The following ASB15 variants were observed in gnomAD, a reference collection of about 807,000 sequenced individuals.
The protein encoded by ASB15 is ankyrin repeat and SOCS box containing 15.
Under a neutral mutation model 58.0 loss-of-function variants are expected in ASB15, and 54 were observed. The ratio of observed to expected loss-of-function variants is 0.93; its 90% CI spans 0.75 to 1.17. The LOEUF (loss-of-function observed/expected upper bound fraction) is 1.17. Among genes scored for constraint, ASB15 ranks in the 50% most tolerant of loss-of-function variants. ASB15 has a pLI of 0.00. For synonymous variants in ASB15, 249 were observed against 262.4 expected, an observed-to-expected ratio of 0.95 and a Z score of 0.50; for missense variants, 680 against 707.4, an observed-to-expected ratio of 0.96 and a Z score of 0.44.
intron 7 of ASB15, among the ~76,000 whole-genome samples, chr7:123,622,221 T>G (rs1408989000): frequency 6.6e-6 from 1 of 152,118 alleles, no homozygotes; most frequent in African/African-American, 2.4e-5. Context: ...TTTGAACATT[T>G]CTGAAAAAAT....
chr7:123,596,424 G>A (rs933408965), intron 1 of ASB15: 1 of 151,894 alleles, frequency 6.6e-6, no homozygotes. Flanking sequence ...TGGACAACAA[G>A]GTCAAACCCC....
chr7:123,576,998 A>G (rs1169341891), intron 1 of ASB15, among the ~76,000 whole-genome samples: 1 of 152,198 alleles, frequency 6.6e-6, no homozygotes, highest in East Asian at 1.9e-4. Flanking sequence ...TGGTCAAACA[A>G]GAAGACTTCC....
At chr7:123,606,627 C>T (rs10232411) in intron 2 of ASB15, among the ~76,000 whole-genome samples, 2,546 of 152,284 alleles carry the variant, frequency 0.017, 66 homozygotes, top group African/African-American at 0.058. Context: ...GCCAGCACCT[C>T]CTAGCCCCAG....
upstream of ASB15, among the ~76,000 whole-genome samples, chr7:123,599,768 T>C (rs913251613): frequency 6.6e-6 from 1 of 152,234 alleles, no homozygotes; most frequent in African/African-American, 2.4e-5. Context: ...TCTTGCTATA[T>C]ATAGATAGAA....
At chr7:123,587,605 C>T (rs1201234519) in intron 1 of ASB15, among the ~76,000 whole-genome samples, 1 of 151,616 alleles carries the variant, frequency 6.6e-6, no homozygotes, top group African/African-American at 2.4e-5. Context: ...CGAGAGAAGG[C>T]TTCCTTGTCT....
At chr7:123,580,594 T>G (rs1799200753) in intron 1 of ASB15, among the ~76,000 whole-genome samples, 1 of 152,064 alleles carries the variant, frequency 6.6e-6, no homozygotes, top group Non-Finnish European at 1.5e-5. Flanking sequence ...AACCCAGAAC[T>G]GCATCATATG....
chr7:123,587,321 T>C (rs920954677), intron 1 of ASB15, among the ~76,000 whole-genome samples: 4 of 151,662 alleles, frequency 2.6e-5, no homozygotes, highest in Non-Finnish European at 5.9e-5. Context: ...ATATGGGATT[T>C]TATTAAAATT....
chr7:123,624,321 T>C (rs1471429663), intron 7 of ASB15, among the ~76,000 whole-genome samples: 1 of 152,218 alleles, frequency 6.6e-6, no homozygotes, highest in African/African-American at 2.4e-5. Flanking sequence ...TACGTGTTAT[T>C]TTCTGTGAAA....
chr7:123,609,731 G>A (rs561236599), intron 3 of ASB15, among the ~76,000 whole-genome samples: 1 of 152,328 alleles, frequency 6.6e-6, no homozygotes, highest in African/African-American at 2.4e-5. Flanking sequence ...TGCTGTGGGA[G>A]CTACTGTATT....
Position 123,629,956 on chromosome 7 carries a change from A to T in ASB15, c.1441-10A>T, listed in dbSNP as rs1802033411. ...AATACTACTAAATTAAATTTTATCAATTCTCTCAGTTCTGTGAGTTTATTA... is the reference window on the plus strand; with the variant it reads ...AATACTACTAAATTAAATTTTATCATTTCTCTCAGTTCTGTGAGTTTATTA... On this transcript the variant is annotated splice_polypyrimidine_tract_variant and intron_variant, in intron 10 of 11. Coordinates refer to ENST00000451215, the MANE Select transcript of ASB15 (RefSeq NM_001290258.2). 1.3e-6 allele frequency: 2 copies of T among 1,544,688 alleles called. No individual in the cohort carries two copies. The highest frequency in any genetic ancestry group is 2.7e-5 in the African/African-American group (2 of 73,076).
chr7:123,631,480 AG>A (rs1239734943), intron 11 of ASB15, among the ~76,000 whole-genome samples: 1 of 152,222 alleles, frequency 6.6e-6, no homozygotes, highest in Non-Finnish European at 1.5e-5. Context: ...ACAAATAAAA[AG>A]CTAAGCCTAA....
At chr7:123,582,289 A>G (rs1198337229) in intron 1 of ASB15, among the ~76,000 whole-genome samples, 2 of 151,868 alleles carry the variant, frequency 1.3e-5, no homozygotes, top group Non-Finnish European at 2.9e-5. Context: ...GGGGGGTTGC[A>G]TTACAATATC....
chr7:123,581,402 C>T (rs555352783), intron 1 of ASB15, among the ~76,000 whole-genome samples: 1 of 138,558 alleles, frequency 7.2e-6, no homozygotes, highest in Non-Finnish European at 1.5e-5. Flanking sequence ...CATGATCATT[C>T]AAGTGAGCAC....
At chr7:123,590,283 C>T (rs1190471902) in intron 1 of ASB15, among the ~76,000 whole-genome samples, 2 of 152,176 alleles carry the variant, frequency 1.3e-5, no homozygotes, top group South Asian at 4.1e-4. Context: ...CCCATTCACT[C>T]TGATGATAGT....
At chr7:123,631,585 C>A (rs1286373233) in intron 11 of ASB15, among the ~76,000 whole-genome samples, 1 of 151,898 alleles carries the variant, frequency 6.6e-6, no homozygotes, top group Non-Finnish European at 1.5e-5. Context: ...AGAGTAAAAT[C>A]AAAAATCGAG....
At chr7:123,626,905 T>A (rs1229903417) in intron 8 of ASB15, among the ~76,000 whole-genome samples, 1 of 151,976 alleles carries the variant, frequency 6.6e-6, no homozygotes, top group Admixed American at 6.6e-5. Context: ...GCCCAGCTAA[T>A]TTTTGTATTT....
rs1032021477 is a variant in ASB15 at position 123,638,509 on chromosome 7, T to C, written c.*1528T>C. ...GAGGGGTCATTTTAATGCCAGAAAG[T>C]AAGATGGTCATAAATTCAGTCATTC... is the stretch of plus-strand genomic sequence containing the variant. On this transcript the variant is annotated 3_prime_UTR_variant, in exon 12 of 12. Transcript: ENST00000451215. 3 of 152,296 alleles carry C rather than the reference T, an allele frequency of 2.0e-5. No homozygotes were observed. The highest frequency in any genetic ancestry group is 4.4e-5 in the Non-Finnish European group (3 of 68,028). 9.4% of individuals were successfully genotyped at this position (152,296 alleles called of 1,614,324 possible). A position where few individuals can be genotyped will look rare whatever the true frequency, so the allele number is the denominator to read the frequency against.
intron 7 of ASB15, among the ~76,000 whole-genome samples, chr7:123,624,151 T>C (rs1165377708): frequency 6.6e-6 from 1 of 152,150 alleles, no homozygotes; most frequent in African/African-American, 2.4e-5. Context: ...GATATAATAA[T>C]AATAGCCAGT....
chr7:123,618,437 T>C (rs1160486273), intron 7 of ASB15, among the ~76,000 whole-genome samples: 3 of 152,172 alleles, frequency 2.0e-5, no homozygotes, highest in African/African-American at 7.2e-5. Context: ...GGTTTAAATC[T>C]TAGCTGTGAA....
Sources: gnomAD v4.1 joint callset for allele counts (sites outside exome capture counted in the v4.1 genomes callset) on GRCh38, gnomAD v4.1.1 for gene constraint, MANE v1.5 for transcripts, NCBI Gene and HGNC (gene_info 2026-07-23, HGNC 2026-07-21) for gene names.